ABCA13: variants seen among roughly 807,000 people sequenced by gnomAD.
ABCA13 encodes the protein ATP-binding cassette sub-family A member 13.
ABCA13 carries 476 observed loss-of-function variants against 478.7 expected under a neutral mutation model. The ratio of observed to expected loss-of-function variants is 0.99; its 90% CI spans 0.92 to 1.07. The LOEUF (loss-of-function observed/expected upper bound fraction) is 1.07. Among genes scored for constraint, ABCA13 ranks in the 50% least tolerant of loss-of-function variants. The pLI, the probability that ABCA13 is intolerant of heterozygous loss-of-function variation, is 0.00. For missense variants in ABCA13, 6,060 were observed against 5,910.6 expected (o/e 1.03, Z -0.83); for synonymous variants, 2,252 against 2,158.9 (o/e 1.04, Z -1.20).
intron 38 of ABCA13, 146 bp downstream of exon 38, chr7:48,392,285 A>G (rs1248493829): frequency 1.0e-5 from 8 of 782,520 alleles, no homozygotes; most frequent in Non-Finnish European, 1.4e-5. Context: ...CTATGGAATT[A>G]TGACACAGCC....
rs377371672 is a variant in ABCA13, at chr7:48,602,759, G to A, written c.14744+7946G>A. ...AAAGTGGTTTTTTTTTTCCAATTCT[G>A]TGAAGAAAGTCAGTGGTAGCTTGAT... On this transcript the variant is annotated intron_variant, in intron 58 of 61. Transcript: ENST00000435803. Among the ~76,000 whole-genome samples, 3 of 151,262 alleles carry A rather than the reference G, an allele frequency of 2.0e-5. No homozygotes were observed. The South Asian group carries it at 6.3e-4, about 32-fold the overall frequency.
chr7:48,408,358 T>A (rs1294019817), intron 39 of ABCA13, among the ~76,000 whole-genome samples: 3 of 152,234 alleles, frequency 2.0e-5, no homozygotes, highest in Admixed American at 6.5e-5. Context: ...ATGTATCATC[T>A]GAACTACATG....
chr7:48,295,860 A>G lies in ABCA13; in HGVS notation c.9116A>G (p.Tyr3039Cys), dbSNP rs750989609. Residue 3039 changes from tyrosine to cysteine, a missense_variant, in exon 21 of 62, where the codon TAC (tyrosine) becomes TGC (cysteine). By Grantham distance (194) the Tyr-to-Cys change is radical. This residue lies in a region of ABCA13 where 4,423 missense variants were observed against 4,309.1 expected (regional missense o/e 1.03). Coordinates refer to ENST00000435803, the MANE Select transcript of ABCA13 (RefSeq NM_152701.5). Reference sequence around the variant, plus strand: ...CTGGAGACGGTGCAGCAGCACTTGTACATGTATGCTCTGATATTCTTTCAT... The same window carrying G: ...CTGGAGACGGTGCAGCAGCACTTGTGCATGTATGCTCTGATATTCTTTCAT... The part of the protein sequence containing the change: ...PRLETVQQHL[Y>C]MLAKSLEETW... The G allele has an allele frequency of 3.7e-6, 6 of 1,609,338 alleles. No individual in the cohort carries two copies. The East Asian group carries it at 1.1e-4, about 30-fold the overall frequency.
At chr7:48,631,585 G>GTAA (rs1794170932) in intron 59 of ABCA13, among the ~76,000 whole-genome samples, 1 of 152,196 alleles carries the variant, frequency 6.6e-6, no homozygotes, top group East Asian at 1.9e-4. Context: ...TTCAGATAAT[G>GTAA]TAATGGCTCC....
chr7:48,455,971 A>C (rs537911837), intron 43 of ABCA13, among the ~76,000 whole-genome samples: 101 of 150,360 alleles, frequency 6.7e-4, no homozygotes, highest in Non-Finnish European at 1.3e-3. Flanking sequence ...GCTCCTCTCT[A>C]GATTCAGGAG....
chr7:48,596,723 G>A (rs555027415), intron 58 of ABCA13, among the ~76,000 whole-genome samples: 22 of 151,800 alleles, frequency 1.4e-4, no homozygotes, highest in Admixed American at 5.9e-4. Flanking sequence ...TCATGAGACC[G>A]GGAGGTGGAG....
intron 38 of ABCA13, among the ~76,000 whole-genome samples, chr7:48,401,536 A>G (rs1286969282): frequency 6.6e-6 from 1 of 152,146 alleles, no homozygotes; most frequent in Non-Finnish European, 1.5e-5. Context: ...TTATCTAGAT[A>G]ACTCTGATTT....
chr7:48,358,024 C>G lies in ABCA13; in HGVS notation c.10688+5537C>G, dbSNP rs1389073023. 2.6e-5 allele frequency among the ~76,000 whole-genome samples: 4 copies of G among 151,318 alleles called. No individual in the cohort carries two copies. In the East Asian group the frequency reaches 7.8e-4, roughly 29 times the overall value. ...GGGCATGGTGGCACGCGTCTGTAATCCCAGCTACTCGGGAGGCTGAGGCAG... is the reference window on the plus strand; with the variant it reads ...GGGCATGGTGGCACGCGTCTGTAATGCCAGCTACTCGGGAGGCTGAGGCAG... On this transcript the variant is annotated intron_variant, in intron 31 of 61. Transcript: ENST00000435803.
At chr7:48,617,892 G>A (rs531467054) in intron 59 of ABCA13, among the ~76,000 whole-genome samples, 2 of 152,232 alleles carry the variant, frequency 1.3e-5, no homozygotes, top group Admixed American at 1.3e-4. Flanking sequence ...AGGAGCCACA[G>A]AAATATAGAG....
intron 58 of ABCA13, among the ~76,000 whole-genome samples, chr7:48,602,589 G>C (rs938121785): frequency 6.6e-5 from 10 of 152,122 alleles, no homozygotes; most frequent in African/African-American, 2.4e-4. Flanking sequence ...CTATATATCT[G>C]TATTGGTACC....
chr7:48,405,804 G>A (rs1563198902), intron 39 of ABCA13, among the ~76,000 whole-genome samples: 2 of 152,168 alleles, frequency 1.3e-5, no homozygotes, highest in African/African-American at 2.4e-5. Context: ...TTCAGTTTCT[G>A]TTGTTACAAA....
intron 48 of ABCA13, among the ~76,000 whole-genome samples, chr7:48,493,708 A>G (rs1479387870): frequency 6.6e-6 from 1 of 152,246 alleles, no homozygotes; most frequent in East Asian, 1.9e-4. Context: ...AGCCAGATCC[A>G]TGGTCATTAA....
chr7:48,255,262 G>A (rs774057501), intron 15 of ABCA13, among the ~76,000 whole-genome samples: 18 of 152,126 alleles, frequency 1.2e-4, no homozygotes, highest in Non-Finnish European at 2.1e-4. Flanking sequence ...GAATGCTGAC[G>A]TCAGACTAAT....
intron 55 of ABCA13, among the ~76,000 whole-genome samples, chr7:48,572,569 TA>T (rs1563453764): frequency 6.6e-6 from 1 of 152,180 alleles, no homozygotes; most frequent in South Asian, 2.1e-4. Context: ...AAATTTTATT[TA>T]AAAAATATTG....
At chr7:48,189,248 T>G (rs1262310473) in intron 1 of ABCA13, among the ~76,000 whole-genome samples, 1 of 152,160 alleles carries the variant, frequency 6.6e-6, no homozygotes, top group African/African-American at 2.4e-5. Flanking sequence ...ATTCAAAATG[T>G]TAAGCAAGAT....
At chr7:48,438,151 G>A (rs1228714292) in intron 42 of ABCA13, among the ~76,000 whole-genome samples, 1 of 152,036 alleles carries the variant, frequency 6.6e-6, no homozygotes, top group African/African-American at 2.4e-5. Context: ...TCTACAACCA[G>A]GCAAGAATTT....
intron 38 of ABCA13, among the ~76,000 whole-genome samples, chr7:48,401,341 A>T (rs1315355173): frequency 6.6e-6 from 1 of 152,226 alleles, no homozygotes; most frequent in Admixed American, 6.5e-5. Context: ...TTATGAAATG[A>T]ATGAATGATA....
rs1375798295 is a variant in ABCA13, at chr7:48,268,128, C to T, written c.2006-852C>T. 3.9e-5 allele frequency among the ~76,000 whole-genome samples: 6 copies of T among 151,930 alleles called. No homozygotes were observed. The South Asian group carries it at 8.3e-4, about 21-fold the overall frequency. The stretch of plus-strand genomic sequence containing the variant: ...TATTGCTGGTCCTGAGCACCAGAAA[C>T]GGTTATCTTTAATCCTTTAAAAAAA... On this transcript the variant is annotated intron_variant, in intron 15 of 61. Coordinates refer to ENST00000435803, the MANE Select transcript of ABCA13 (RefSeq NM_152701.5).
intron 20 of ABCA13, among the ~76,000 whole-genome samples, chr7:48,289,862 C>T (rs1798266397): frequency 6.6e-6 from 1 of 152,114 alleles, no homozygotes; most frequent in East Asian, 1.9e-4. Flanking sequence ...TAGTATGTTG[C>T]TTATCTCAGG....
Sources: allele counts gnomAD v4.1 joint callset (sites outside exome capture counted in the v4.1 genomes callset), GRCh38; gene constraint gnomAD v4.1.1; regional missense constraint gnomAD v4.1.1; transcripts MANE v1.5; gene names NCBI Gene and HGNC (gene_info 2026-07-23, HGNC 2026-07-21).